MRPS31: variants seen among roughly 807,000 people sequenced by gnomAD.
MRPS31 encodes mitochondrial ribosomal protein S31.
Under a neutral mutation model 43.1 loss-of-function variants are expected in MRPS31, and 32 were observed. That is an observed-to-expected ratio of 0.74 (90% confidence interval 0.56 to 1.00). The LOEUF (loss-of-function observed/expected upper bound fraction) is 1.00, where lower values mean the gene tolerates loss of function less well. MRPS31 is among the 50% of genes least tolerant of loss of function. The pLI is 0.00. For missense variants in MRPS31, 437 were observed against 466.7 expected (o/e 0.94, Z 0.59); for synonymous variants, 165 against 161.6 (o/e 1.02, Z -0.16).
chr13:40,763,720 C>T (rs1476364845), intron 2 of MRPS31, among the ~76,000 whole-genome samples: 4 of 152,162 alleles, frequency 2.6e-5, no homozygotes, highest in South Asian at 2.1e-4. Flanking sequence ...TCCCTGAAAA[C>T]CAGGGGAAAC....
rs1282319178 is a variant in MRPS31, at chr13:40,729,261, C to T, written c.*111G>A. 2 of 610,328 alleles carry T rather than the reference C, an allele frequency of 3.3e-6. No individual in the cohort carries two copies. The highest frequency in any genetic ancestry group is 2.9e-5 in the East Asian group (1 of 34,948). 37.8% of individuals were successfully genotyped at this position (610,328 alleles called of 1,614,324 possible). ...TTTTGAAAACAATGTAACATTTATA[C>T]CAGCCAAATCAAATGTAATAATCAA... On this transcript the variant is annotated 3_prime_UTR_variant, in exon 7 of 7. Transcript: ENST00000323563.
chr13:40,733,995 G>A (rs1401183420), intron 6 of MRPS31, among the ~76,000 whole-genome samples: 4 of 151,020 alleles, frequency 2.6e-5, no homozygotes, highest in Non-Finnish European at 4.4e-5. Flanking sequence ...CAGGTGCAGC[G>A]GCTCATGTCT....
At chr13:40,741,266 A>G (rs911679958) in intron 6 of MRPS31, among the ~76,000 whole-genome samples, 4 of 152,190 alleles carry the variant, frequency 2.6e-5, no homozygotes, top group Non-Finnish European at 5.9e-5. Context: ...AACTTATATT[A>G]AACTAAATGT....
chr13:40,747,483 A>T (rs1465642652), intron 6 of MRPS31, among the ~76,000 whole-genome samples: 1 of 152,222 alleles, frequency 6.6e-6, no homozygotes, highest in Non-Finnish European at 1.5e-5. Context: ...TGGTCTTTTT[A>T]CGTTACCCTG....
At chr13:40,765,010 TC>T (rs1880806789) in intron 2 of MRPS31, among the ~76,000 whole-genome samples, 1 of 152,188 alleles carries the variant, frequency 6.6e-6, no homozygotes, top group Admixed American at 6.5e-5. Flanking sequence ...GATGACAGTG[TC>T]TCATGAAGCA....
chr13:40,749,408 T>C (rs575438943), intron 5 of MRPS31, 127 bp from the exon 6 acceptor site: 1 of 625,426 alleles, frequency 1.6e-6, no homozygotes, highest in Admixed American at 4.3e-5. Context: ...TAGTATATAA[T>C]AAAAAGTTAC....
chr13:40,756,985 C>G lies in MRPS31; in HGVS notation c.628G>C (p.Val210Leu), dbSNP rs1011600902. 1 of 1,611,154 alleles carries G rather than the reference C, an allele frequency of 6.2e-7. No individual in the cohort carries two copies. Among genetic ancestry groups the G allele is most frequent in the African/African-American group, 1.3e-5 (1 of 74,850 alleles). Residue 210 changes from valine (V) to leucine (L), a missense_variant, in exon 4 of 7, where the codon GTT becomes CTT. Transcript: ENST00000323563. The part of the protein sequence containing the change: ...SFSNIISDMK[V>L]ARSATARVRS... ...ACTCTAGCTGTAGCAGATCTGGCAA[C>G]TTTCATATCTGATATTATGTTACTG...
chr13:40,737,579 CTA>C (rs1244937561), intron 6 of MRPS31, among the ~76,000 whole-genome samples: 1 of 152,150 alleles, frequency 6.6e-6, no homozygotes, highest in African/African-American at 2.4e-5. Flanking sequence ...TTATAACAAA[CTA>C]TCTATCTGTC....
intron 2 of MRPS31, among the ~76,000 whole-genome samples, chr13:40,761,622 G>A (rs1173907365): frequency 6.7e-6 from 1 of 149,616 alleles, no homozygotes; most frequent in African/African-American, 2.4e-5. Context: ...AATGTAAGGA[G>A]AACTTGTTAA....
intron 1 of MRPS31, among the ~76,000 whole-genome samples, chr13:40,767,368 G>A (rs936097499): frequency 2.0e-5 from 3 of 152,152 alleles, no homozygotes; most frequent in African/African-American, 7.2e-5. Flanking sequence ...TGTTGGCCAG[G>A]CTGGTCTCTT....
chr13:40,749,366 G>A (rs1880326829), intron 5 of MRPS31, 85 bp from the exon 6 acceptor site: 3 of 1,061,202 alleles, frequency 2.8e-6, no homozygotes, highest in Non-Finnish European at 2.6e-6. Flanking sequence ...AATTGACCAT[G>A]TATTTTTCAG....
In MRPS31 at chr13:40,738,607, A is replaced by G. The variant is rs1482996283; in HGVS notation, c.959-9006T>C. Among the ~76,000 whole-genome samples the G allele has an allele frequency of 3.3e-5, 5 of 152,290 alleles. No individual in the cohort carries two copies. The South Asian group carries it at 1.0e-3, about 32-fold the overall frequency. On this transcript the variant is annotated intron_variant, in intron 6 of 6. Coordinates refer to ENST00000323563, the MANE Select transcript of MRPS31 (RefSeq NM_005830.4). ...TATCCATCATGATCAAGTGGGCTTC[A>G]TCCCTGGGATGCAAGGCTGGTTCAA...
At chr13:40,755,436 G>A (rs114934949) in intron 4 of MRPS31, among the ~76,000 whole-genome samples, 27 of 152,326 alleles carry the variant, frequency 1.8e-4, no homozygotes, top group African/African-American at 5.8e-4. Flanking sequence ...TAGTTTACAC[G>A]TGTTTCTTTT....
At chr13:40,736,636 TAAAGA>T (rs942121360) in intron 6 of MRPS31, among the ~76,000 whole-genome samples, 52 of 150,806 alleles carry the variant, frequency 3.4e-4, no homozygotes, top group African/African-American at 1.2e-3. Flanking sequence ...TGAACATTCT[TAAAGA>T]AAAGAATTTT....
chr13:40,746,598 G>A (rs115444934), intron 6 of MRPS31, among the ~76,000 whole-genome samples: 2,676 of 152,146 alleles, frequency 0.018, 57 homozygotes, highest in African/African-American at 0.058. Flanking sequence ...GATAAATTCC[G>A]TTGGAATTTG....
chr13:40,748,519 G>C (rs536696622), intron 6 of MRPS31, among the ~76,000 whole-genome samples: 1 of 152,278 alleles, frequency 6.6e-6, no homozygotes, highest in Non-Finnish European at 1.5e-5. Context: ...ATGACAACAT[G>C]GGTATCATAA....
chr13:40,764,360 A>T (rs931958903), intron 2 of MRPS31, among the ~76,000 whole-genome samples: 1 of 151,478 alleles, frequency 6.6e-6, no homozygotes, highest in African/African-American at 2.4e-5. Context: ...GTTATATTGT[A>T]TTTTTTTTTA....
At chr13:40,763,435 G>A (rs528090014) in intron 2 of MRPS31, among the ~76,000 whole-genome samples, 2 of 152,264 alleles carry the variant, frequency 1.3e-5, no homozygotes, top group South Asian at 2.1e-4. Flanking sequence ...TGCAAAAGAC[G>A]TGCAGTAAGA....
intron 6 of MRPS31, among the ~76,000 whole-genome samples, chr13:40,735,763 C>A (rs1345823103): frequency 4.0e-5 from 6 of 150,316 alleles, no homozygotes; most frequent in African/African-American, 7.3e-5. Context: ...AGGACATCCA[C>A]ACCAAAAACC....
Sources: allele counts gnomAD v4.1 joint callset (sites outside exome capture counted in the v4.1 genomes callset), GRCh38; gene constraint gnomAD v4.1.1; transcripts MANE v1.5; gene names NCBI Gene and HGNC (gene_info 2026-07-23, HGNC 2026-07-21).